The following CEP63 variants were observed in gnomAD, a reference collection of about 807,000 sequenced individuals.
CEP63 encodes the protein centrosomal protein of 63 kDa.
Under a neutral mutation model 89.1 loss-of-function variants are expected in CEP63, and 84 were observed. The observed-to-expected ratio is 0.94, with a 90% CI of 0.79 to 1.13. The LOEUF is 1.13. Among genes scored for constraint, CEP63 ranks in the 50% most tolerant of loss-of-function variants. The pLI is 0.00. For synonymous variants in CEP63, 267 were observed against 272.5 expected, an observed-to-expected ratio of 0.98 and a Z score of 0.20; for missense variants, 838 against 813.3, an observed-to-expected ratio of 1.03 and a Z score of -0.37.
At chr3:134,486,049 G>A (rs1201301414), upstream of CEP63, 1 of 984,990 alleles carries the variant, frequency 1.0e-6, no homozygotes, top group Non-Finnish European at 1.2e-6. Context: ...ATTCCCGGAT[G>A]TGGGTGAGTT....
At chr3:134,667,177 C>G in the CEP63 span, among the ~76,000 whole-genome samples, 1 of 152,164 alleles carries the variant, frequency 6.6e-6, no homozygotes, top group South Asian at 2.1e-4. Flanking sequence ...GCCCAGACCT[C>G]GGCAGTCATC....
intron 3 of CEP63, among the ~76,000 whole-genome samples, chr3:134,521,409 A>G (rs982335149): frequency 6.8e-6 from 1 of 146,808 alleles, no homozygotes; most frequent in African/African-American, 2.5e-5. Flanking sequence ...GAAGATACAC[A>G]TTTTGTGTAT....
chr3:134,605,835 G>A, the CEP63 span, among the ~76,000 whole-genome samples: 1 of 151,978 alleles, frequency 6.6e-6, no homozygotes, highest in African/African-American at 2.4e-5. Context: ...CCCTCTTTGC[G>A]ACCCCCACTC....
Position 134,515,994 on chromosome 3 carries a change from G to A in CEP63, c.222+8708G>A, listed in dbSNP as rs184843926. On this transcript the variant is annotated intron_variant, in intron 3 of 14. Coordinates refer to ENST00000675561, the MANE Select transcript of CEP63 (RefSeq NM_001353108.3). ...GGGTGTTTCTCGTTAGGTGGAATGAGAGACTTGGAAAAGAAAGAGACACAA... is the reference window on the plus strand; with the variant it reads ...GGGTGTTTCTCGTTAGGTGGAATGAAAGACTTGGAAAAGAAAGAGACACAA... Among the ~76,000 whole-genome samples, 502 of 152,248 alleles carry A rather than the reference G, an allele frequency of 3.3e-3. 4 individuals are homozygous for A. Among genetic ancestry groups the A allele is most frequent in the African/African-American group, 0.011 (464 of 41,536 alleles).
At chr3:134,697,477 A>G in the CEP63 span, among the ~76,000 whole-genome samples, 1 of 152,158 alleles carries the variant, frequency 6.6e-6, no homozygotes, top group Non-Finnish European at 1.5e-5. Flanking sequence ...TACAGGTCCT[A>G]CAACAGAATC....
the CEP63 span, among the ~76,000 whole-genome samples, chr3:134,636,540 A>G: frequency 6.6e-6 from 1 of 152,202 alleles, no homozygotes. Context: ...GGAGCACAGC[A>G]TAGCCTCTCA....
At chr3:134,705,574 G>A in the CEP63 span, among the ~76,000 whole-genome samples, 1 of 152,206 alleles carries the variant, frequency 6.6e-6, no homozygotes. Flanking sequence ...GATCCACTGT[G>A]AGATCTAAAT....
intron 12 of CEP63, among the ~76,000 whole-genome samples, chr3:134,557,376 G>GTTTTTTGTTT (rs1956393276): frequency 4.9e-5 from 5 of 101,500 alleles, no homozygotes; most frequent in Non-Finnish European, 9.2e-5. Flanking sequence ...TTCATAATTT[G>GTTTTTTGTTT]TTTTTTTTTT....
At chr3:134,574,800 G>T (rs1451661187) in exon 12 of CEP63, 1 of 606,138 alleles carries the variant, frequency 1.6e-6, no homozygotes, top group Non-Finnish European at 3.0e-6. Flanking sequence ...TAGAGATGGG[G>T]TTTTACCATG....
At chr3:134,639,346 GCT>G in the CEP63 span, among the ~76,000 whole-genome samples, 1 of 152,108 alleles carries the variant, frequency 6.6e-6, no homozygotes, top group African/African-American at 2.4e-5. Flanking sequence ...CCACTCAGCA[GCT>G]CTCATTATGA....
At chr3:134,489,666 G>A (rs780357615) in intron 1 of CEP63, among the ~76,000 whole-genome samples, 1 of 152,118 alleles carries the variant, frequency 6.6e-6, no homozygotes, top group Non-Finnish European at 1.5e-5. Flanking sequence ...TCAACTGAGA[G>A]TCTTTTATGA....
the CEP63 span, chr3:134,606,895 T>C: frequency 2.0e-6 from 2 of 984,550 alleles, no homozygotes; most frequent in South Asian, 9.4e-5. Context: ...AGGTGCCCTC[T>C]TCCTTCCCTT....
chr3:134,651,084 C>A, the CEP63 span: 1 of 1,531,210 alleles, frequency 6.5e-7, no homozygotes, highest in South Asian at 1.2e-5. Flanking sequence ...GGGCGCTCCC[C>A]CGCCGCTGGA....
chr3:134,731,888 C>T, the CEP63 span, among the ~76,000 whole-genome samples: 1 of 152,052 alleles, frequency 6.6e-6, no homozygotes, highest in Non-Finnish European at 1.5e-5. Flanking sequence ...ACAATAAGTG[C>T]AAAATACTGA....
intron 14 of CEP63, among the ~76,000 whole-genome samples, chr3:134,560,410 T>G (rs181074023): frequency 6.6e-6 from 1 of 152,344 alleles, no homozygotes; most frequent in East Asian, 1.9e-4. Flanking sequence ...CGTGGACATA[T>G]GCAGAGTGAC....
At chr3:134,761,795 TCTC>T in the CEP63 span, among the ~76,000 whole-genome samples, 1 of 152,242 alleles carries the variant, frequency 6.6e-6, no homozygotes, top group East Asian at 1.9e-4. Context: ...CTTCACTTCT[TCTC>T]CTCCTCTGTC....
At chr3:134,715,523 TTTTTGTTTTTTTTTG>T in the CEP63 span, among the ~76,000 whole-genome samples, 4 of 21,680 alleles carry the variant, frequency 1.8e-4, no homozygotes, top group East Asian at 0.045. Flanking sequence ...AGGTTTTTTT[TTTTTGTTTTTTTTTG>T]TTTTTTCCTC....
At chr3:134,647,332 G>T in the CEP63 span, 1 of 911,746 alleles carries the variant, frequency 1.1e-6, no homozygotes, top group Non-Finnish European at 1.7e-6. Context: ...TCCGTTCAGT[G>T]GTTAGATGTC....
At chr3:134,538,916 G>A (rs1437619304) in intron 6 of CEP63, among the ~76,000 whole-genome samples, 2 of 151,928 alleles carry the variant, frequency 1.3e-5, no homozygotes, top group East Asian at 3.9e-4. Flanking sequence ...AGTAAAAATG[G>A]GATTTTTACT....
Sources: gnomAD v4.1 joint callset for allele counts (sites outside exome capture counted in the v4.1 genomes callset) on GRCh38, gnomAD v4.1.1 for gene constraint, MANE v1.5 for transcripts, NCBI Gene and HGNC (gene_info 2026-07-23, HGNC 2026-07-21) for gene names.